The following SAMTOR variants were observed in gnomAD, a reference collection of about 807,000 sequenced individuals.
The protein encoded by SAMTOR is S-adenosylmethionine sensor upstream of mTORC1.
chr7:112,830,702 G>T, the SAMTOR span, among the ~76,000 whole-genome samples: 11 of 152,038 alleles, frequency 7.2e-5, no homozygotes, highest in African/African-American at 2.7e-4. Flanking sequence ...TAACAGTAAT[G>T]GTTTTAGGAC....
chr7:112,921,411 T>C, the SAMTOR span, among the ~76,000 whole-genome samples: 3 of 151,468 alleles, frequency 2.0e-5, no homozygotes, highest in Non-Finnish European at 4.4e-5. Flanking sequence ...AAGCTGAAAC[T>C]GGATCCCTTC....
the SAMTOR span, chr7:112,820,142 A>C: frequency 6.6e-6 from 1 of 152,520 alleles, no homozygotes; most frequent in Non-Finnish European, 1.5e-5. Flanking sequence ...AAAAAATTAC[A>C]ATCTTGTTAC....
chr7:112,864,655 A>G, the SAMTOR span, among the ~76,000 whole-genome samples: 2 of 152,254 alleles, frequency 1.3e-5, no homozygotes, highest in African/African-American at 2.4e-5. Context: ...AACCACTATC[A>G]AATTAACACA....
chr7:112,825,252 T>C, the SAMTOR span, among the ~76,000 whole-genome samples: 1 of 151,874 alleles, frequency 6.6e-6, no homozygotes, highest in Admixed American at 6.6e-5. Context: ...GTCTCGAACT[T>C]TTGGACTCCA....
the SAMTOR span, among the ~76,000 whole-genome samples, chr7:112,937,149 T>G: frequency 6.6e-6 from 1 of 152,174 alleles, no homozygotes; most frequent in Non-Finnish European, 1.5e-5. Context: ...AGATCTGAGG[T>G]AGAATACAGG....
At chr7:112,923,030 T>C in the SAMTOR span, among the ~76,000 whole-genome samples, 4 of 152,102 alleles carry the variant, frequency 2.6e-5, no homozygotes, top group African/African-American at 7.2e-5. Flanking sequence ...TTTTGTGGAA[T>C]AGAAAAGGGG....
chr7:112,887,359 T>C, the SAMTOR span, among the ~76,000 whole-genome samples: 33 of 151,716 alleles, frequency 2.2e-4, no homozygotes, highest in Non-Finnish European at 4.0e-4. Flanking sequence ...TATCTAATAA[T>C]CATGTTTATA....
At chr7:112,835,753 G>C in the SAMTOR span, among the ~76,000 whole-genome samples, 3 of 152,132 alleles carry the variant, frequency 2.0e-5, no homozygotes, top group Non-Finnish European at 4.4e-5. Flanking sequence ...TTCTGTTCCT[G>C]AATTAGTTTG....
chr7:112,873,832 G>C, the SAMTOR span, among the ~76,000 whole-genome samples: 13 of 152,034 alleles, frequency 8.6e-5, no homozygotes, highest in Non-Finnish European at 1.8e-4. Context: ...GTAGTATCTA[G>C]AATCTATAAG....
the SAMTOR span, among the ~76,000 whole-genome samples, chr7:112,835,087 G>T: frequency 2.6e-5 from 4 of 152,030 alleles, no homozygotes; most frequent in African/African-American, 9.7e-5. Flanking sequence ...GTATGTATAG[G>T]ATTCAGTAAT....
the SAMTOR span, among the ~76,000 whole-genome samples, chr7:112,854,037 C>G: frequency 6.6e-6 from 1 of 152,030 alleles, no homozygotes; most frequent in East Asian, 1.9e-4. Flanking sequence ...CTAATGTCCA[C>G]TTTTGGGGCT....
At chr7:112,919,361 T>C in the SAMTOR span, among the ~76,000 whole-genome samples, 40 of 152,126 alleles carry the variant, frequency 2.6e-4, no homozygotes, top group Admixed American at 5.2e-4. Flanking sequence ...GGGTACATAA[T>C]GAAATGAAGG....
At chr7:112,907,926 G>C in the SAMTOR span, among the ~76,000 whole-genome samples, 6 of 151,968 alleles carry the variant, frequency 3.9e-5, no homozygotes, top group African/African-American at 1.4e-4. Context: ...CAATTTGGCA[G>C]CACATCTAAT....
the SAMTOR span, among the ~76,000 whole-genome samples, chr7:112,935,616 G>C: frequency 6.6e-6 from 1 of 152,058 alleles, no homozygotes; most frequent in Admixed American, 6.5e-5. Flanking sequence ...ATAAGCTGCA[G>C]GTGTTTATGT....
the SAMTOR span, among the ~76,000 whole-genome samples, chr7:112,832,244 ACCTCAGGTG>A: frequency 8.6e-5 from 13 of 151,910 alleles, no homozygotes. Flanking sequence ...CAAACTCCTG[ACCTCAGGTG>A]ATCCACCCAT....
the SAMTOR span, among the ~76,000 whole-genome samples, chr7:112,877,975 A>G: frequency 3.9e-5 from 6 of 152,112 alleles, no homozygotes; most frequent in Admixed American, 3.9e-4. Context: ...AGCCAATTAA[A>G]CCTCTTTTCT....
chr7:112,910,590 T>A, the SAMTOR span, among the ~76,000 whole-genome samples: 2 of 152,162 alleles, frequency 1.3e-5, no homozygotes, highest in Non-Finnish European at 2.9e-5. Context: ...AATGGAAAGA[T>A]TGAGTAGATA....
chr7:112,849,004 G>A, the SAMTOR span, among the ~76,000 whole-genome samples: 1 of 150,168 alleles, frequency 6.7e-6, no homozygotes, highest in Non-Finnish European at 1.5e-5. Context: ...ATCCAAGATT[G>A]TGCCACTGCA....
chr7:112,933,552 T>A, the SAMTOR span, among the ~76,000 whole-genome samples: 1 of 152,226 alleles, frequency 6.6e-6, no homozygotes, highest in Non-Finnish European at 1.5e-5. Context: ...GTATACTGTA[T>A]TTTTATGACA....
Sources: allele counts gnomAD v4.1 joint callset (sites outside exome capture counted in the v4.1 genomes callset), GRCh38; gene constraint gnomAD v4.1.1; transcripts MANE v1.5; gene names NCBI Gene and HGNC (gene_info 2026-07-23, HGNC 2026-07-21).